Variants in HS6ST2 observed in about 807,000 individuals in gnomAD.
HS6ST2 encodes heparan-sulfate 6-O-sulfotransferase 2.
HS6ST2 carries 17 observed loss-of-function variants against 33.0 expected under a neutral mutation model. That is an observed-to-expected ratio of 0.52 (90% CI 0.35 to 0.77). The LOEUF is 0.77. HS6ST2 is among the 30% of genes least tolerant of loss of function. The probability of loss-of-function intolerance (pLI) is 0.01; values close to 1 mark genes in which losing one functional copy is unlikely to be tolerated. For missense variants in HS6ST2, 519 were observed against 551.7 expected (o/e 0.94, Z 0.59); for synonymous variants, 248 against 237.1 (o/e 1.05, Z -0.42).
At chrX:132,871,086 A>G (rs1358894917) in intron 2 of HS6ST2, among the ~76,000 whole-genome samples, 1 of 112,277 alleles carries the variant, frequency 8.9e-6, no homozygotes, top group African/African-American at 3.2e-5. Flanking sequence ...AGAAAAAAAC[A>G]AACAACCCCA....
intron 2 of HS6ST2, among the ~76,000 whole-genome samples, chrX:132,865,611 C>T (rs2065967127): frequency 9.0e-6 from 1 of 111,065 alleles, no homozygotes; most frequent in African/African-American, 3.3e-5. Context: ...AAAAGTGTTC[C>T]TATTTCTCCA....
intron 2 of HS6ST2, among the ~76,000 whole-genome samples, chrX:132,886,127 T>C (rs1388662894): frequency 8.9e-6 from 1 of 111,796 alleles, no homozygotes; most frequent in African/African-American, 3.2e-5. Flanking sequence ...GGATGAGAAC[T>C]TCAAAAGACC....
At chrX:132,702,339 A>G (rs2064151567) in intron 3 of HS6ST2, among the ~76,000 whole-genome samples, 1 of 112,598 alleles carries the variant, frequency 8.9e-6, no homozygotes, top group Non-Finnish European at 1.9e-5. Context: ...TTGAGTAACA[A>G]AAATGCACTG....
At chrX:132,741,609 C>G (rs372171515) in intron 2 of HS6ST2, among the ~76,000 whole-genome samples, 19 of 111,187 alleles carry the variant, frequency 1.7e-4, no homozygotes, top group African/African-American at 6.2e-4. Context: ...GGCAATTAGC[C>G]TCAGATTCGT....
intron 2 of HS6ST2, among the ~76,000 whole-genome samples, chrX:132,940,517 G>T (rs181680793): frequency 6.9e-4 from 77 of 111,550 alleles, no homozygotes; most frequent in Non-Finnish European, 1.2e-3. Flanking sequence ...TAAAATGTTT[G>T]CAAAGCGTAT....
intron 2 of HS6ST2, among the ~76,000 whole-genome samples, chrX:132,723,351 AAACC>A (rs2148267924): frequency 8.9e-6 from 1 of 111,980 alleles, no homozygotes; most frequent in African/African-American, 3.2e-5. Context: ...CCTGATACCA[AAACC>A]AAAGACACAT....
chrX:132,670,368 AATGACTTC>A (rs1402408002), intron 3 of HS6ST2, among the ~76,000 whole-genome samples: 2 of 111,641 alleles, frequency 1.8e-5, no homozygotes, highest in Admixed American at 9.5e-5. Flanking sequence ...ATCAGCTTCA[AATGACTTC>A]ATGGATATGA....
At chrX:132,861,180 C>T (rs2065908065) in intron 2 of HS6ST2, among the ~76,000 whole-genome samples, 1 of 111,687 alleles carries the variant, frequency 9.0e-6, no homozygotes, top group South Asian at 3.7e-4. Flanking sequence ...AAACATTTTC[C>T]ATGTTGCTAC....
chrX:132,801,409 A>G (rs1274113180), intron 2 of HS6ST2, among the ~76,000 whole-genome samples: 1 of 111,730 alleles, frequency 9.0e-6, no homozygotes, highest in Admixed American at 9.5e-5. Flanking sequence ...ATATTCTTTG[A>G]TTAGTTTTAC....
chrX:132,898,594 G>A (rs1450507935), intron 2 of HS6ST2, among the ~76,000 whole-genome samples: 4 of 109,627 alleles, frequency 3.6e-5, no homozygotes, highest in African/African-American at 1.3e-4. Context: ...TCAGACACTA[G>A]ACAACAGTCA....
At chrX:132,635,089 G>A (rs1164963220) in intron 4 of HS6ST2, among the ~76,000 whole-genome samples, 1 of 111,837 alleles carries the variant, frequency 8.9e-6, no homozygotes, top group Non-Finnish European at 1.9e-5. Context: ...AATGCACAGT[G>A]AACCTGCTTT....
At chrX:132,710,424 G>A (rs1452592714) in intron 2 of HS6ST2, among the ~76,000 whole-genome samples, 5 of 111,394 alleles carry the variant, frequency 4.5e-5, no homozygotes, top group Non-Finnish European at 9.4e-5. Context: ...TCTATTATGT[G>A]CTAGCCATTG....
chrX:132,905,048 A>G (rs1403115100), intron 2 of HS6ST2, among the ~76,000 whole-genome samples: 1 of 111,480 alleles, frequency 9.0e-6, no homozygotes, highest in African/African-American at 3.3e-5. Context: ...TTTGTATAGT[A>G]CTTAATGGTC....
chrX:132,814,883 C>A (rs1030939937), intron 2 of HS6ST2, among the ~76,000 whole-genome samples: 4 of 112,043 alleles, frequency 3.6e-5, no homozygotes, highest in African/African-American at 1.3e-4. Context: ...GGAATGTCTT[C>A]TTCTCTCGCC....
chrX:132,771,568 C>T (rs2064900622), intron 2 of HS6ST2, among the ~76,000 whole-genome samples: 2 of 111,643 alleles, frequency 1.8e-5, no homozygotes, highest in South Asian at 7.5e-4. Context: ...GAAATGAAGA[C>T]AACTTTTAAT....
At chrX:132,754,618 C>A (rs1479972234) in intron 2 of HS6ST2, among the ~76,000 whole-genome samples, 1 of 109,323 alleles carries the variant, frequency 9.1e-6, no homozygotes, top group Non-Finnish European at 1.9e-5. Context: ...TGGGTTTCAC[C>A]ATGTTAGCCA....
intron 3 of HS6ST2, among the ~76,000 whole-genome samples, chrX:132,686,014 T>C (rs1325355273): frequency 8.9e-6 from 1 of 111,901 alleles, no homozygotes; most frequent in Admixed American, 9.5e-5. Context: ...ATATTAGTAT[T>C]CCTAGATAAC....
chrX:132,959,909 T>C (rs1485916444), upstream of HS6ST2, among the ~76,000 whole-genome samples: 3 of 112,266 alleles, frequency 2.7e-5, no homozygotes, highest in African/African-American at 9.7e-5. Context: ...GGCAATTCTG[T>C]GGCTGTGCAC....
chrX:132,628,195 GAAGT>G lies in HS6ST2; in HGVS notation c.*24_*27del, dbSNP rs2063491957. The G allele has an allele frequency of 1.2e-5, 12 of 1,007,053 alleles. No individual in the cohort carries two copies. The highest frequency in any genetic ancestry group is 5.2e-4 in the Middle Eastern group (2 of 3,822). The allele number at this position is 1,007,053 out of a possible 1,213,427, so 83.0% of individuals were successfully genotyped here. On this transcript the variant is annotated 3_prime_UTR_variant, in exon 5 of 5. Transcript: ENST00000370833. ...CCATCTTTTCAGTGGCGCTTTGGGAGAAGTATGTACAGGCCTTTTTGAGCCATTT... is the reference window on the plus strand; with the variant it reads ...CCATCTTTTCAGTGGCGCTTTGGGAGATGTACAGGCCTTTTTGAGCCATTT...
Sources: allele counts gnomAD v4.1 joint callset (sites outside exome capture counted in the v4.1 genomes callset), GRCh38; gene constraint gnomAD v4.1.1; transcripts MANE v1.5; gene names NCBI Gene and HGNC (gene_info 2026-07-23, HGNC 2026-07-21).